Variants in KIAA1328 observed in about 807,000 individuals in gnomAD.
The protein encoded by KIAA1328 is KIAA1328.
KIAA1328 carries 52 observed loss-of-function variants against 68.1 expected under a neutral mutation model. That is an observed-to-expected ratio of 0.76 (90% confidence interval 0.61 to 0.96). KIAA1328 has a LOEUF of 0.96. Among genes scored for constraint, KIAA1328 ranks in the 40% least tolerant of loss-of-function variants. The pLI is 0.00. For missense variants in KIAA1328, 641 were observed against 677.6 expected (o/e 0.95, Z 0.60); for synonymous variants, 232 against 239.4 (o/e 0.97, Z 0.28).
At chr18:37,063,614 C>T in intron 6 of KIAA1328, 1 of 984,836 alleles carries the variant, frequency 1.0e-6, no homozygotes, top group African/African-American at 1.7e-5. Context: ...GCCTATTACA[C>T]ATGCACAGTA....
chr18:37,158,501 A>T (rs1033975114), intron 7 of KIAA1328, among the ~76,000 whole-genome samples: 1 of 152,148 alleles, frequency 6.6e-6, no homozygotes, highest in African/African-American at 2.4e-5. Context: ...TAAGAAAAAG[A>T]GATGATTGAC....
chr18:37,135,842 C>T (rs942527210), intron 7 of KIAA1328, among the ~76,000 whole-genome samples: 6 of 152,034 alleles, frequency 3.9e-5, no homozygotes, highest in Non-Finnish European at 5.9e-5. Flanking sequence ...TTCTTCCATC[C>T]GTCTTGAGTT....
intron 4 of KIAA1328, among the ~76,000 whole-genome samples, chr18:36,860,146 G>C (rs1361362591): frequency 6.6e-6 from 1 of 151,996 alleles, no homozygotes; most frequent in Non-Finnish European, 1.5e-5. Flanking sequence ...TGTATTTTGT[G>C]TGATTTTACT....
chr18:36,975,921 T>C (rs1434288410), intron 6 of KIAA1328, among the ~76,000 whole-genome samples: 1 of 152,244 alleles, frequency 6.6e-6, no homozygotes, highest in African/African-American at 2.4e-5. Flanking sequence ...TTTATGTCTA[T>C]CTTAGATATT....
chr18:37,149,757 T>C (rs369417075), intron 7 of KIAA1328, among the ~76,000 whole-genome samples: 1 of 152,146 alleles, frequency 6.6e-6, no homozygotes, highest in African/African-American at 2.4e-5. Context: ...GCTTTCAACC[T>C]TGTAGCAGCT....
intron 5 of KIAA1328, among the ~76,000 whole-genome samples, chr18:36,957,706 A>G (rs533588558): frequency 1.3e-4 from 20 of 152,298 alleles, no homozygotes; most frequent in Non-Finnish European, 8.8e-5. Flanking sequence ...CTTTATGTTT[A>G]ATATAGTTAG....
At chr18:37,040,077 T>A (rs1599052226) in intron 6 of KIAA1328, among the ~76,000 whole-genome samples, 1 of 152,320 alleles carries the variant, frequency 6.6e-6, no homozygotes, top group Non-Finnish European at 1.5e-5. Context: ...CAAATCCTTC[T>A]TATGCTTCAA....
downstream of KIAA1328, chr18:37,229,756 C>T (rs768874621): frequency 4.9e-4 from 131 of 268,764 alleles, no homozygotes; most frequent in Middle Eastern, 2.6e-3. Flanking sequence ...CGTGGTGGCA[C>T]GCACCTGTAG....
chr18:36,906,590 T>C (rs1434202757), intron 5 of KIAA1328, among the ~76,000 whole-genome samples: 1 of 152,152 alleles, frequency 6.6e-6, no homozygotes. Context: ...TATTCTACTT[T>C]TATTAATTTT....
chr18:37,077,897 T>C (rs79470296), intron 7 of KIAA1328, among the ~76,000 whole-genome samples: 15,280 of 151,282 alleles, frequency 0.1, 2,618 homozygotes, highest in African/African-American at 0.35. Flanking sequence ...AAAATGGCCG[T>C]ACTGCCCAAG....
At chr18:36,994,177 C>T (rs898909117) in intron 6 of KIAA1328, among the ~76,000 whole-genome samples, 1 of 152,108 alleles carries the variant, frequency 6.6e-6, no homozygotes, top group Non-Finnish European at 1.5e-5. Context: ...ACCACAGATA[C>T]TTTCATTCAT....
chr18:37,085,665 A>C (rs2057081103), intron 7 of KIAA1328, among the ~76,000 whole-genome samples: 1 of 152,134 alleles, frequency 6.6e-6, no homozygotes, highest in Non-Finnish European at 1.5e-5. Context: ...CATATTTCTG[A>C]ATAACAGACT....
chr18:37,030,475 T>C (rs1323972387), intron 6 of KIAA1328, among the ~76,000 whole-genome samples: 2 of 152,198 alleles, frequency 1.3e-5, no homozygotes, highest in Non-Finnish European at 2.9e-5. Context: ...CTTTCTGTAA[T>C]GTATTTCTAA....
chr18:37,186,068 G>T (rs2059791641), intron 9 of KIAA1328, among the ~76,000 whole-genome samples: 1 of 146,114 alleles, frequency 6.8e-6, no homozygotes, highest in African/African-American at 2.5e-5. Context: ...TGTGACTGAT[G>T]ACCTCAATTT....
chr18:36,982,609 C>G (rs922631088), intron 6 of KIAA1328, among the ~76,000 whole-genome samples: 1 of 151,612 alleles, frequency 6.6e-6, no homozygotes, highest in Non-Finnish European at 1.5e-5. Context: ...ACATAATTAC[C>G]AGGAGTCCAC....
intron 2 of KIAA1328, 150 bp from the exon 3 acceptor site, chr18:36,835,084 A>G (rs769899683): frequency 2.5e-5 from 13 of 516,522 alleles, no homozygotes; most frequent in African/African-American, 2.0e-4. Context: ...TATGATTCAT[A>G]TATTAAGAGC....
At chr18:37,129,046 T>G (rs1401566103) in intron 7 of KIAA1328, among the ~76,000 whole-genome samples, 1 of 152,184 alleles carries the variant, frequency 6.6e-6, no homozygotes, top group African/African-American at 2.4e-5. Flanking sequence ...AGGGCACTTT[T>G]GAGGTGATGG....
chr18:37,022,716 A>G (rs2054394968), intron 6 of KIAA1328, among the ~76,000 whole-genome samples: 1 of 152,180 alleles, frequency 6.6e-6, no homozygotes, highest in Non-Finnish European at 1.5e-5. Context: ...TTACTCCCAT[A>G]GCTTCTGCAA....
chr18:37,001,499 G>T (rs1165315129), intron 6 of KIAA1328, among the ~76,000 whole-genome samples: 1 of 152,016 alleles, frequency 6.6e-6, no homozygotes, highest in Non-Finnish European at 1.5e-5. Context: ...GGAAAAGAGG[G>T]GATTTCTCCC....
Sources: gnomAD v4.1 joint callset for allele counts (sites outside exome capture counted in the v4.1 genomes callset) on GRCh38, gnomAD v4.1.1 for gene constraint, MANE v1.5 for transcripts, NCBI Gene and HGNC (gene_info 2026-07-23, HGNC 2026-07-21) for gene names.